SV2C: variants seen among roughly 807,000 people sequenced by gnomAD.
SV2C encodes solute carrier family 22 member B3.
In SV2C, 49 loss-of-function variants were observed where a neutral mutation model predicts 79.7. The observed-to-expected ratio is 0.61, with a 90% CI of 0.49 to 0.78. SV2C has a LOEUF of 0.78. Among genes scored for constraint, SV2C ranks in the 30% least tolerant of loss-of-function variants. The pLI, the probability that SV2C is intolerant of heterozygous loss-of-function variation, is 0.00. For synonymous variants in SV2C, 334 were observed against 333.2 expected (o/e 1.00, Z -0.03); for missense variants, 833 against 912.9 (o/e 0.91, Z 1.13).
intron 12 of SV2C, among the ~76,000 whole-genome samples, chr5:76,312,750 A>T (rs1399661535): frequency 1.3e-5 from 2 of 151,782 alleles, no homozygotes; most frequent in East Asian, 3.9e-4. Flanking sequence ...TTTCCCCCTT[A>T]TGCCCCCTTA....
At chr5:76,242,533 G>T (rs1298966904) in intron 4 of SV2C, 1 of 410,736 alleles carries the variant, frequency 2.4e-6, no homozygotes, top group East Asian at 5.8e-5. Context: ...TTATGTAGGT[G>T]GTTTAGGAAC....
At chr5:75,899,158 G>A in the SV2C span, among the ~76,000 whole-genome samples, 1 of 152,134 alleles carries the variant, frequency 6.6e-6, no homozygotes, top group Non-Finnish European at 1.5e-5. Context: ...TAATTGCAAT[G>A]TTAGGGTGTC....
intron 2 of SV2C, among the ~76,000 whole-genome samples, chr5:76,158,619 A>G (rs957155741): frequency 1.3e-5 from 2 of 151,992 alleles, no homozygotes; most frequent in African/African-American, 2.4e-5. Context: ...TCAATACCCA[A>G]TTTTCAAGAG....
At chr5:75,868,339 G>C in the SV2C span, among the ~76,000 whole-genome samples, 1 of 152,140 alleles carries the variant, frequency 6.6e-6, no homozygotes, top group East Asian at 1.9e-4. Context: ...CATTTATGAA[G>C]GGTATTTAAC....
chr5:75,893,112 C>T, the SV2C span, among the ~76,000 whole-genome samples: 4 of 152,138 alleles, frequency 2.6e-5, no homozygotes, highest in East Asian at 7.7e-4. Flanking sequence ...TTAGTGATAG[C>T]CATTCTGATT....
At chr5:76,262,547 C>CG (rs1306044708) in intron 4 of SV2C, among the ~76,000 whole-genome samples, 2 of 152,078 alleles carry the variant, frequency 1.3e-5, no homozygotes, top group African/African-American at 4.8e-5. Context: ...GGATCTTTCC[C>CG]GCTTTCTGAT....
chr5:76,188,119 G>A (rs945487257), intron 2 of SV2C, among the ~76,000 whole-genome samples: 1 of 152,068 alleles, frequency 6.6e-6, no homozygotes, highest in Admixed American at 6.6e-5. Context: ...AAATTAGCTG[G>A]ACATGGTGGC....
chr5:76,334,745 T>C (rs183070014), downstream of SV2C, among the ~76,000 whole-genome samples: 189 of 152,340 alleles, frequency 1.2e-3, no homozygotes, highest in African/African-American at 4.2e-3. Flanking sequence ...TCTCATTGGC[T>C]GGATTTGCAT....
chr5:76,245,285 TGGAGGA>T (rs1745909905), intron 4 of SV2C, among the ~76,000 whole-genome samples: 1 of 152,070 alleles, frequency 6.6e-6, no homozygotes, highest in Non-Finnish European at 1.5e-5. Flanking sequence ...GGCCAAGACT[TGGAGGA>T]AGAGGAAGAG....
chr5:76,254,712 T>C (rs1251580811), intron 4 of SV2C, among the ~76,000 whole-genome samples: 1 of 152,270 alleles, frequency 6.6e-6, no homozygotes, highest in Non-Finnish European at 1.5e-5. Flanking sequence ...ATACTAATAA[T>C]TGTACTAAAT....
intron 2 of SV2C, among the ~76,000 whole-genome samples, chr5:76,175,000 C>G (rs1009721300): frequency 6.6e-6 from 1 of 152,182 alleles, no homozygotes; most frequent in Non-Finnish European, 1.5e-5. Flanking sequence ...GTCTAACTGA[C>G]TAAATTTCAG....
intron 8 of SV2C, among the ~76,000 whole-genome samples, chr5:76,293,663 C>T (rs1367882604): frequency 6.6e-6 from 1 of 152,178 alleles, no homozygotes; most frequent in African/African-American, 2.4e-5. Flanking sequence ...CACACCCCCA[C>T]AGACATTACT....
chr5:76,164,620 C>G (rs530481457), intron 2 of SV2C, among the ~76,000 whole-genome samples: 2 of 152,150 alleles, frequency 1.3e-5, no homozygotes, highest in African/African-American at 2.4e-5. Flanking sequence ...CAACTTAACA[C>G]TGAATTCCAT....
At chr5:76,117,214 C>T (rs1052508208) in intron 1 of SV2C, among the ~76,000 whole-genome samples, 3 of 152,078 alleles carry the variant, frequency 2.0e-5, no homozygotes, top group Admixed American at 6.5e-5. Context: ...AATTATATAT[C>T]ATGGTTTTGA....
chr5:76,238,926 T>C (rs911728085), intron 4 of SV2C, among the ~76,000 whole-genome samples: 6 of 152,208 alleles, frequency 3.9e-5, no homozygotes, highest in Non-Finnish European at 8.8e-5. Context: ...AGGGTAGTCC[T>C]CTGATTGCTT....
intron 8 of SV2C, among the ~76,000 whole-genome samples, chr5:76,294,370 C>G (rs1423047112): frequency 1.4e-5 from 2 of 138,232 alleles, no homozygotes; most frequent in Non-Finnish European, 3.0e-5. Context: ...GGCACGATAT[C>G]GGCTCGCTGC....
At chr5:76,176,249 G>A (rs1395387251) in intron 2 of SV2C, among the ~76,000 whole-genome samples, 1 of 152,142 alleles carries the variant, frequency 6.6e-6, no homozygotes, top group Non-Finnish European at 1.5e-5. Flanking sequence ...TCTCAGTTCG[G>A]GGGAGAATGG....
At position 76,104,918 on chromosome 5, in the gene SV2C, A is replaced by T. The variant is rs540571436; in HGVS notation, c.-102+21406A>T. ...AGAGGCAGTTTCTTCCTATTTCAGC[A>T]GATGATTCTCGTTTGCAGTTTTTTC... On this transcript the variant is annotated intron_variant, in intron 1 of 12. Coordinates refer to ENST00000502798, the MANE Select transcript of SV2C (RefSeq NM_014979.4). 2.0e-5 allele frequency among the ~76,000 whole-genome samples: 3 copies of T among 152,332 alleles called. No homozygotes were observed. The South Asian group carries it at 6.2e-4, about 32-fold the overall frequency.
chr5:75,976,022 G>A, the SV2C span, among the ~76,000 whole-genome samples: 6 of 152,156 alleles, frequency 3.9e-5, no homozygotes, highest in African/African-American at 7.2e-5. Flanking sequence ...TACTGAAACC[G>A]TGCAGGAATA....
Sources: allele counts gnomAD v4.1 joint callset (sites outside exome capture counted in the v4.1 genomes callset), GRCh38; gene constraint gnomAD v4.1.1; transcripts MANE v1.5; gene names NCBI Gene and HGNC (gene_info 2026-07-23, HGNC 2026-07-21).